The following TRAK1 variants were observed in gnomAD, a reference collection of about 807,000 sequenced individuals.
The protein encoded by TRAK1 is trafficking kinesin protein 1, also known as trafficking kinesin-binding protein 1.
TRAK1 carries 33 observed loss-of-function variants against 92.1 expected under a neutral mutation model. The observed-to-expected ratio is 0.36, with a 90% confidence interval of 0.27 to 0.48. TRAK1 has a LOEUF of 0.48. Ranked by LOEUF, TRAK1 falls within the 20% of genes least tolerant of loss-of-function variation. The probability of loss-of-function intolerance (pLI) is 0.99; values close to 1 mark genes in which losing one functional copy is unlikely to be tolerated. For synonymous variants in TRAK1, 521 were observed against 517.3 expected (o/e 1.01, Z -0.10); for missense variants, 1,123 against 1,257.9 (o/e 0.89, Z 1.62).
intron 1 of TRAK1, among the ~76,000 whole-genome samples, chr3:42,100,639 G>A (rs1419050170): frequency 6.6e-6 from 1 of 152,130 alleles, no homozygotes; most frequent in Non-Finnish European, 1.5e-5. Flanking sequence ...AACTTTATTC[G>A]AGCTGTCAGT....
At chr3:42,124,064 G>A (rs1015447367) in intron 1 of TRAK1, among the ~76,000 whole-genome samples, 17 of 151,944 alleles carry the variant, frequency 1.1e-4, no homozygotes, top group African/African-American at 3.9e-4. Flanking sequence ...CTTGAGGATC[G>A]GAGGTCAAGG....
chr3:42,137,892 A>G (rs938310652), intron 2 of TRAK1, among the ~76,000 whole-genome samples: 1 of 152,144 alleles, frequency 6.6e-6, no homozygotes, highest in East Asian at 1.9e-4. Context: ...TCGGTTTCTT[A>G]TCTGGAAATT....
intron 1 of TRAK1, among the ~76,000 whole-genome samples, chr3:42,055,773 A>C (rs1703180710): frequency 1.3e-5 from 2 of 152,136 alleles, no homozygotes; most frequent in Admixed American, 6.5e-5. Flanking sequence ...ATCCACAATA[A>C]ATTTTAGAAC....
chr3:42,197,513 C>T (rs973915652), intron 10 of TRAK1, among the ~76,000 whole-genome samples: 17 of 152,162 alleles, frequency 1.1e-4, no homozygotes, highest in South Asian at 4.2e-4. Flanking sequence ...CCCACAGATA[C>T]GGAGGGCTGA....
rs1703285174 is a variant in TRAK1, at chr3:42,176,848, G to A, written c.321G>A (p.Lys107=). 6.2e-7 allele frequency: 1 copy of A among 1,614,100 alleles called. No homozygotes were observed. The highest frequency in any genetic ancestry group is 8.5e-7 in the Non-Finnish European group (1 of 1,179,990). Residue 107 remains lysine, a synonymous_variant, in exon 3 of 16, where the codon AAG becomes AAA. Coordinates refer to ENST00000327628, the MANE Select transcript of TRAK1 (RefSeq NM_001042646.3). Reference sequence around the variant, plus strand: ...CTGAAAGAGTTGGCCAGATGACTAAGACATATAATGACATAGATGCTGTCA... The same window carrying A: ...CTGAAAGAGTTGGCCAGATGACTAAAACATATAATGACATAGATGCTGTCA... ...LCAERVGQMT[K]TYNDIDAVTR...
chr3:42,120,185 G>A (rs1288105871), intron 1 of TRAK1, among the ~76,000 whole-genome samples: 1 of 152,216 alleles, frequency 6.6e-6, no homozygotes, highest in Non-Finnish European at 1.5e-5. Context: ...GGTTGAGCCT[G>A]GCCTTTTGAT....
chr3:42,107,305 G>A (rs1415991288), intron 1 of TRAK1, among the ~76,000 whole-genome samples: 1 of 152,136 alleles, frequency 6.6e-6, no homozygotes, highest in East Asian at 1.9e-4. Context: ...CATGAGGTCA[G>A]GAGATTGAGA....
intron 1 of TRAK1, among the ~76,000 whole-genome samples, chr3:42,030,738 A>G (rs1351324932): frequency 9.0e-6 from 1 of 110,838 alleles, no homozygotes; most frequent in Non-Finnish European, 1.8e-5. Flanking sequence ...ATATATATAT[A>G]TATGTAACTT....
rs68023368 is a variant in TRAK1, at chr3:42,191,895, A to ATTTTTTTTTTTTTTTTTTTT, written c.769+263_769+282dup. ...TTTGGCTTTATACTGGAATATTGGA[A>ATTTTTTTTTTTTTTTTTTTT]TTTTTTTTTTTTTTTTTTTTTTTGA... On this transcript the variant is annotated intron_variant, in intron 7 of 15. Transcript: ENST00000327628. Among the ~76,000 whole-genome samples, 4 of 72,766 alleles carry ATTTTTTTTTTTTTTTTTTTT rather than the reference A, an allele frequency of 5.5e-5. 1 individual carries two copies. The highest frequency in any genetic ancestry group is 1.2e-4 in the African/African-American group (2 of 17,240). 47.7% of individuals were successfully genotyped at this position (72,766 alleles called of 152,430 possible).
chr3:42,016,638 G>A (rs957385919), intron 1 of TRAK1, among the ~76,000 whole-genome samples: 6 of 152,194 alleles, frequency 3.9e-5, no homozygotes, highest in African/African-American at 1.2e-4. Flanking sequence ...AACAGACCTT[G>A]GGCATTCTCC....
intron 2 of TRAK1, among the ~76,000 whole-genome samples, chr3:42,176,356 A>T (rs1228989339): frequency 6.6e-6 from 1 of 152,206 alleles, no homozygotes; most frequent in African/African-American, 2.4e-5. Context: ...TTTAATAATT[A>T]TGCCAACAGC....
At chr3:42,086,311 C>CTTTTT (rs750932535), upstream of TRAK1, among the ~76,000 whole-genome samples, 6 of 140,488 alleles carry the variant, frequency 4.3e-5, 2 homozygotes, top group African/African-American at 1.7e-4. Context: ...CTTTTTCTTT[C>CTTTTT]TTTTTTTTTT....
At chr3:42,091,621 GA>G in intron 1 of TRAK1, 61 bp downstream of exon 1, 1 of 1,509,664 alleles carries the variant, frequency 6.6e-7, no homozygotes, top group Non-Finnish European at 9.0e-7. Flanking sequence ...TCGGAAAGGA[GA>G]AAAGACCACA....
chr3:42,167,731 T>A (rs976183198), intron 2 of TRAK1, among the ~76,000 whole-genome samples: 5 of 152,076 alleles, frequency 3.3e-5, no homozygotes, highest in Non-Finnish European at 5.9e-5. Flanking sequence ...ATACAAAAAA[T>A]TAGCTGGGCG....
At chr3:42,072,704 C>A (rs548803338) in intron 1 of TRAK1, among the ~76,000 whole-genome samples, 1 of 152,234 alleles carries the variant, frequency 6.6e-6, no homozygotes, top group Non-Finnish European at 1.5e-5. Context: ...AGTTTTCATT[C>A]ATGAGATGTG....
intron 1 of TRAK1, among the ~76,000 whole-genome samples, chr3:42,121,188 C>T (rs1282796492): frequency 6.6e-6 from 1 of 152,142 alleles, no homozygotes; most frequent in Non-Finnish European, 1.5e-5. Context: ...TCTCTGTGTG[C>T]CACATTGCTG....
chr3:42,178,819 A>G (rs955149156), intron 3 of TRAK1, among the ~76,000 whole-genome samples: 1 of 152,112 alleles, frequency 6.6e-6, no homozygotes, highest in African/African-American at 2.4e-5. Flanking sequence ...TACAAAAAAT[A>G]CAAAAATTAG....
intron 1 of TRAK1, among the ~76,000 whole-genome samples, chr3:42,110,029 A>T (rs754054697): frequency 8.5e-5 from 12 of 140,988 alleles, no homozygotes; most frequent in East Asian, 6.1e-4. Flanking sequence ...GCAGCACACC[A>T]ACATGGCACA....
rs1467182701 is a variant in TRAK1 at position 42,223,707 on chromosome 3, T to C, written c.2832T>C (p.Ala944=). 1 of 1,608,864 alleles carries C rather than the reference T, an allele frequency of 6.2e-7. No homozygotes were observed. The highest frequency in any genetic ancestry group is 2.2e-5 in the East Asian group (1 of 44,678). Residue 944 remains alanine (A), a synonymous_variant, in exon 16 of 16, where the codon GCT becomes GCC. Coordinates refer to ENST00000327628, the MANE Select transcript of TRAK1 (RefSeq NM_001042646.3). This position sits in a 1 kb window ranked among gnomAD's most constrained non-coding sequence, Gnocchi z 6.1. ...TCACCTCGGGCATCTTGATGGGTGC[T>C]AAGCTCTCCAAACAAACTAGCTTAC... The part of the protein sequence containing the change: ...VTLTSGILMG[A]KLSKQTSLR
Sources: gnomAD v4.1 joint callset for allele counts (sites outside exome capture counted in the v4.1 genomes callset) on GRCh38, gnomAD v4.1.1 for gene constraint, Gnocchi (gnomAD v3.1) non-coding constraint, MANE v1.5 for transcripts, NCBI Gene and HGNC (gene_info 2026-07-23, HGNC 2026-07-21) for gene names.